Variants in GLRA3 observed in about 807,000 individuals in gnomAD.
GLRA3 encodes the protein glycine receptor alpha 3.
A neutral mutation model predicts 60.4 loss-of-function variants in GLRA3; 44 were observed. The observed-to-expected ratio is 0.73, with a 90% CI of 0.57 to 0.94. The LOEUF is 0.94. Ranked by LOEUF, GLRA3 falls within the 40% of genes least tolerant of loss-of-function variation. The pLI, the probability that GLRA3 is intolerant of heterozygous loss-of-function variation, is 0.00. For synonymous variants in GLRA3, 223 were observed against 192.9 expected (o/e 1.16, Z -1.29); for missense variants, 508 against 564.6 (o/e 0.90, Z 1.02).
intron 3 of GLRA3, among the ~76,000 whole-genome samples, chr4:174,748,027 T>C (rs1737319722): frequency 6.6e-6 from 1 of 152,100 alleles, no homozygotes; most frequent in Non-Finnish European, 1.5e-5. Context: ...CAATTACCAC[T>C]ATACATGTGG....
chr4:174,697,780 T>G (rs561239415), intron 5 of GLRA3, among the ~76,000 whole-genome samples: 2 of 152,214 alleles, frequency 1.3e-5, no homozygotes, highest in Admixed American at 1.3e-4. Context: ...TTGTTCATAT[T>G]TCTCAAAACT....
chr4:174,663,787 G>A (rs35952497), intron 7 of GLRA3, among the ~76,000 whole-genome samples: 20,605 of 152,056 alleles, frequency 0.14, 1,808 homozygotes, highest in Admixed American at 0.23. Flanking sequence ...GACACACAGC[G>A]CACTCCCCAT....
chr4:174,793,489 G>T (rs1739443974), intron 1 of GLRA3, among the ~76,000 whole-genome samples: 1 of 151,188 alleles, frequency 6.6e-6, no homozygotes, highest in African/African-American at 2.4e-5. Context: ...GTCTTGCTCT[G>T]TTGCCTAGGC....
At chr4:174,764,202 C>T (rs1738048883) in intron 3 of GLRA3, among the ~76,000 whole-genome samples, 1 of 151,464 alleles carries the variant, frequency 6.6e-6, no homozygotes, top group African/African-American at 2.4e-5. Context: ...CAAAAAGTGG[C>T]CTAAAAAGTA....
chr4:174,806,832 A>G (rs1227316986), intron 1 of GLRA3, among the ~76,000 whole-genome samples: 1 of 152,074 alleles, frequency 6.6e-6, no homozygotes, highest in Non-Finnish European at 1.5e-5. Flanking sequence ...ACCCATATAC[A>G]TACAAAACAC....
At chr4:174,774,208 T>C (rs1325703910) in intron 2 of GLRA3, among the ~76,000 whole-genome samples, 1 of 152,174 alleles carries the variant, frequency 6.6e-6, no homozygotes, top group Non-Finnish European at 1.5e-5. Flanking sequence ...ATATTGAGGA[T>C]AATGGGAGCC....
At chr4:174,686,393 T>C (rs921509614) in intron 5 of GLRA3, among the ~76,000 whole-genome samples, 1 of 152,232 alleles carries the variant, frequency 6.6e-6, no homozygotes, top group Non-Finnish European at 1.5e-5. Flanking sequence ...AATTACCTGA[T>C]ACCACAATAA....
chr4:174,678,797 A>G (rs1734227194), intron 6 of GLRA3, among the ~76,000 whole-genome samples: 1 of 152,244 alleles, frequency 6.6e-6, no homozygotes, highest in Admixed American at 6.5e-5. Flanking sequence ...GCTATTAAAT[A>G]TAAAGATTTA....
At chr4:174,672,665 C>T (rs922894702) in intron 7 of GLRA3, among the ~76,000 whole-genome samples, 59 of 152,074 alleles carry the variant, frequency 3.9e-4, no homozygotes, top group African/African-American at 1.4e-3. Flanking sequence ...CTCGAACAGC[C>T]AATCTCAGGG....
chr4:174,747,498 T>A (rs576015505), intron 3 of GLRA3, among the ~76,000 whole-genome samples: 74 of 152,110 alleles, frequency 4.9e-4, no homozygotes, highest in Non-Finnish European at 9.4e-4. Context: ...AGATCTTATT[T>A]GAGTTTTAGA....
At chr4:174,777,481 G>C (rs1738645848) in intron 2 of GLRA3, among the ~76,000 whole-genome samples, 1 of 152,062 alleles carries the variant, frequency 6.6e-6, no homozygotes, top group Non-Finnish European at 1.5e-5. Context: ...TGACATCCTG[G>C]AAAAGGCAAA....
At chr4:174,647,917 G>A (rs1321734503) in intron 9 of GLRA3, among the ~76,000 whole-genome samples, 2 of 152,138 alleles carry the variant, frequency 1.3e-5, no homozygotes. Context: ...TACCAAATTG[G>A]ACAAAGCATA....
chr4:174,711,590 C>T (rs1241285300), intron 5 of GLRA3, among the ~76,000 whole-genome samples: 1 of 151,942 alleles, frequency 6.6e-6, no homozygotes, highest in Non-Finnish European at 1.5e-5. Flanking sequence ...CAGGCAAGTG[C>T]CACCACGCCT....
chr4:174,824,751 T>C (rs1260274557), intron 1 of GLRA3, among the ~76,000 whole-genome samples: 2 of 152,168 alleles, frequency 1.3e-5, no homozygotes, highest in South Asian at 2.1e-4. Context: ...TTCTTGATAG[T>C]TGCGCTTCCT....
intron 5 of GLRA3, among the ~76,000 whole-genome samples, chr4:174,701,343 T>G (rs28776253): frequency 6.6e-6 from 1 of 151,958 alleles, no homozygotes; most frequent in Non-Finnish European, 1.5e-5. Flanking sequence ...CTGAATACTT[T>G]AAGCCCACAG....
chr4:174,814,782 C>T (rs1740417622), intron 1 of GLRA3, among the ~76,000 whole-genome samples: 1 of 152,138 alleles, frequency 6.6e-6, no homozygotes, highest in South Asian at 2.1e-4. Context: ...TCAATTACCT[C>T]CCACCATGTC....
intron 3 of GLRA3, among the ~76,000 whole-genome samples, chr4:174,732,166 C>T: frequency 6.6e-6 from 1 of 152,084 alleles, no homozygotes; most frequent in East Asian, 1.9e-4. Context: ...ACCATCCTGG[C>T]CAACATGGTG....
At chr4:174,666,080 T>C (rs965638774) in intron 7 of GLRA3, among the ~76,000 whole-genome samples, 2 of 152,176 alleles carry the variant, frequency 1.3e-5, no homozygotes, top group African/African-American at 4.8e-5. Context: ...GCTTATGAAC[T>C]TAACTACTAT....
chr4:174,715,401 A>G (rs1220896677), intron 5 of GLRA3, 87 bp downstream of exon 5: 1 of 696,108 alleles, frequency 1.4e-6, no homozygotes, highest in Non-Finnish European at 2.6e-6. Context: ...CAAAATGATT[A>G]CAAAATAAAT....
Sources: allele counts gnomAD v4.1 joint callset (sites outside exome capture counted in the v4.1 genomes callset), GRCh38; gene constraint gnomAD v4.1.1; transcripts MANE v1.5; gene names NCBI Gene and HGNC (gene_info 2026-07-23, HGNC 2026-07-21).